HPSE2: variants seen among roughly 807,000 people sequenced by gnomAD.
HPSE2 encodes inactive heparanase-2.
Under a neutral mutation model 60.5 loss-of-function variants are expected in HPSE2, and 38 were observed. The observed-to-expected ratio is 0.63, with a 90% confidence interval of 0.48 to 0.82. HPSE2 has a LOEUF of 0.82. Among genes scored for constraint, HPSE2 ranks in the 40% least tolerant of loss-of-function variants. The pLI is 0.00. For missense variants in HPSE2, 713 were observed against 740.4 expected (o/e 0.96, Z 0.43); for synonymous variants, 295 against 293.2 (o/e 1.01, Z -0.06).
intron 11 of HPSE2, among the ~76,000 whole-genome samples, chr10:98,462,020 T>C (rs1399084724): frequency 6.6e-6 from 1 of 152,224 alleles, no homozygotes. Flanking sequence ...TAGATGGCTT[T>C]GGCAAATCCC....
intron 5 of HPSE2, among the ~76,000 whole-genome samples, chr10:98,719,248 A>C (rs913539619): frequency 1.3e-5 from 2 of 152,144 alleles, no homozygotes; most frequent in Non-Finnish European, 2.9e-5. Flanking sequence ...ATGTTCCTAG[A>C]TTCTGAAGAT....
chr10:98,760,213 T>G (rs932689872), intron 3 of HPSE2, among the ~76,000 whole-genome samples: 2 of 152,120 alleles, frequency 1.3e-5, no homozygotes, highest in Non-Finnish European at 2.9e-5. Context: ...TATAAAACGA[T>G]GTCATCTGTA....
chr10:99,173,764 C>T (rs1401988071), intron 2 of HPSE2, among the ~76,000 whole-genome samples: 2 of 151,776 alleles, frequency 1.3e-5, no homozygotes, highest in South Asian at 2.1e-4. Context: ...GCCAACATGG[C>T]GAAACCCGTC....
chr10:98,589,646 C>T (rs1945033989), intron 9 of HPSE2, among the ~76,000 whole-genome samples: 1 of 152,220 alleles, frequency 6.6e-6, no homozygotes, highest in South Asian at 2.1e-4. Context: ...GTGAGCTTGT[C>T]CTTCGTTGGT....
intron 9 of HPSE2, among the ~76,000 whole-genome samples, chr10:98,512,806 C>A (rs10748735): frequency 0.8 from 104,264 of 130,616 alleles, 42,976 homozygotes; most frequent in East Asian, 0.95. Flanking sequence ...TCCACTCCCA[C>A]CCCCCAACAC....
chr10:98,726,609 C>G (rs1949087982), intron 4 of HPSE2, among the ~76,000 whole-genome samples: 1 of 146,900 alleles, frequency 6.8e-6, no homozygotes, highest in Middle Eastern at 3.6e-3. Flanking sequence ...ACGTTGTGCA[C>G]ATGTATTCTA....
At chr10:98,504,079 A>G (rs1459721311) in intron 9 of HPSE2, among the ~76,000 whole-genome samples, 1 of 152,224 alleles carries the variant, frequency 6.6e-6, no homozygotes, top group Non-Finnish European at 1.5e-5. Context: ...AAATAAATAA[A>G]TAAATATAGC....
intron 2 of HPSE2, among the ~76,000 whole-genome samples, chr10:99,198,505 G>C (rs1479396537): frequency 6.6e-6 from 1 of 152,146 alleles, no homozygotes; most frequent in Non-Finnish European, 1.5e-5. Context: ...CACTTTTATA[G>C]AGCTTACAAC....
intron 3 of HPSE2, among the ~76,000 whole-genome samples, chr10:98,812,744 T>A (rs1233462350): frequency 6.6e-6 from 1 of 152,182 alleles, no homozygotes; most frequent in African/African-American, 2.4e-5. Context: ...CACTTTCATA[T>A]GAATATTTGA....
At chr10:98,813,002 G>A (rs919977588) in intron 3 of HPSE2, among the ~76,000 whole-genome samples, 1 of 152,100 alleles carries the variant, frequency 6.6e-6, no homozygotes, top group African/African-American at 2.4e-5. Context: ...CAGGCAAATA[G>A]TTTCTATGGG....
At chr10:99,098,918 A>G (rs964800977) in intron 3 of HPSE2, among the ~76,000 whole-genome samples, 1 of 152,216 alleles carries the variant, frequency 6.6e-6, no homozygotes, top group Non-Finnish European at 1.5e-5. Context: ...TTAATATAAG[A>G]GAAAAACAAT....
At chr10:98,729,169 A>G (rs1370525660) in intron 4 of HPSE2, among the ~76,000 whole-genome samples, 1 of 152,218 alleles carries the variant, frequency 6.6e-6, no homozygotes, top group Non-Finnish European at 1.5e-5. Flanking sequence ...AGTCAATTAT[A>G]TCAACAATCT....
At position 99,221,501 on chromosome 10, in the gene HPSE2, G is replaced by A. The variant is rs147332478; in HGVS notation, c.448+10847C>T. Among the ~76,000 whole-genome samples, 14 of 152,268 alleles carry A rather than the reference G, an allele frequency of 9.2e-5. No individual in the cohort carries two copies. In the East Asian group the frequency reaches 2.7e-3, roughly 29 times the overall value. ...GAACATAAAGCAGAATACGAAAATG[G>A]CCACAAGAGTGATTTTTAGACAATA... is the stretch of plus-strand genomic sequence containing the variant. On this transcript the variant is annotated intron_variant, in intron 2 of 11. Coordinates refer to ENST00000370552, the MANE Select transcript of HPSE2 (RefSeq NM_021828.5).
intron 6 of HPSE2, among the ~76,000 whole-genome samples, chr10:98,692,320 G>A (rs1186052640): frequency 6.6e-6 from 1 of 152,112 alleles, no homozygotes; most frequent in Non-Finnish European, 1.5e-5. Context: ...TAAGGGCAGA[G>A]TGGCACCAGA....
At chr10:98,825,817 C>T (rs837723) in intron 3 of HPSE2, among the ~76,000 whole-genome samples, 8,488 of 152,248 alleles carry the variant, frequency 0.056, 754 homozygotes, top group African/African-American at 0.19. Flanking sequence ...ACACACACTC[C>T]TTTTCCCCCT....
chr10:98,586,820 G>A (rs1343770529), intron 9 of HPSE2, among the ~76,000 whole-genome samples: 3 of 152,126 alleles, frequency 2.0e-5, no homozygotes, highest in Non-Finnish European at 4.4e-5. Flanking sequence ...ATTCCTCTCC[G>A]GTATCATCAG....
chr10:98,868,620 A>C (rs764834366), intron 3 of HPSE2, among the ~76,000 whole-genome samples: 1 of 152,180 alleles, frequency 6.6e-6, no homozygotes, highest in Non-Finnish European at 1.5e-5. Context: ...CCCCATAAAT[A>C]TGTACACCTA....
chr10:98,561,140 G>C (rs1199818755), intron 9 of HPSE2, among the ~76,000 whole-genome samples: 1 of 150,214 alleles, frequency 6.7e-6, no homozygotes, highest in African/African-American at 2.4e-5. Context: ...GGAGGTGCAA[G>C]AAAGTGATAC....
At chr10:99,157,418 A>C (rs1846617982) in intron 2 of HPSE2, among the ~76,000 whole-genome samples, 1 of 95,552 alleles carries the variant, frequency 1.0e-5, no homozygotes, top group East Asian at 3.1e-4. Flanking sequence ...AGATCAATGG[A>C]ACAGAACAGA....
Sources: allele counts gnomAD v4.1 joint callset (sites outside exome capture counted in the v4.1 genomes callset), GRCh38; gene constraint gnomAD v4.1.1; transcripts MANE v1.5; gene names NCBI Gene and HGNC (gene_info 2026-07-23, HGNC 2026-07-21).